MPPED2: variants seen among roughly 807,000 people sequenced by gnomAD.
MPPED2 encodes the protein metallophosphoesterase MPPED2.
Under a neutral mutation model 33.0 loss-of-function variants are expected in MPPED2, and 5 were observed. The ratio of observed to expected loss-of-function variants is 0.15; its 90% CI spans 0.08 to 0.32. MPPED2 has a LOEUF of 0.32. MPPED2 is among the 10% of genes least tolerant of loss of function. MPPED2 has a pLI of 1.00. For synonymous variants in MPPED2, 136 were observed against 141.9 expected (o/e 0.96, Z 0.29); for missense variants, 275 against 372.1 (o/e 0.74, Z 2.15).
intron 4 of MPPED2, among the ~76,000 whole-genome samples, chr11:30,454,326 CG>C (rs1279580757): frequency 6.6e-6 from 1 of 152,100 alleles, no homozygotes; most frequent in African/African-American, 2.4e-5. Context: ...CAACAATAGC[CG>C]GGCTACAGCC....
chr11:30,583,144 T>C (rs1310353724), intron 1 of MPPED2, among the ~76,000 whole-genome samples: 10 of 41,368 alleles, frequency 2.4e-4, no homozygotes, highest in South Asian at 7.5e-4. Context: ...CTTTTTTTTT[T>C]TTTTTTTTTT....
intron 4 of MPPED2, among the ~76,000 whole-genome samples, chr11:30,470,313 T>C (rs1232389316): frequency 6.6e-6 from 1 of 152,042 alleles, no homozygotes; most frequent in Non-Finnish European, 1.5e-5. Context: ...TAAAAGTTGA[T>C]TGAAGAATAT....
intron 4 of MPPED2, among the ~76,000 whole-genome samples, chr11:30,433,655 C>T (rs932550996): frequency 6.6e-6 from 1 of 152,132 alleles, no homozygotes; most frequent in Non-Finnish European, 1.5e-5. Flanking sequence ...ATTGGTCCCT[C>T]GCTATCATGT....
At chr11:30,394,518 A>T (rs897421745) in intron 6 of MPPED2, among the ~76,000 whole-genome samples, 5 of 152,146 alleles carry the variant, frequency 3.3e-5, no homozygotes, top group African/African-American at 1.2e-4. Flanking sequence ...TTTTCTTAGT[A>T]GCTAATAAGG....
intron 2 of MPPED2, among the ~76,000 whole-genome samples, chr11:30,545,524 T>G (rs758588571): frequency 2.6e-5 from 4 of 152,146 alleles, no homozygotes; most frequent in Non-Finnish European, 5.9e-5. Flanking sequence ...ACATCATTTT[T>G]TGGCTGAATA....
chr11:30,450,490 T>C (rs1355647430), intron 4 of MPPED2, among the ~76,000 whole-genome samples: 1 of 152,220 alleles, frequency 6.6e-6, no homozygotes, highest in Non-Finnish European at 1.5e-5. Flanking sequence ...GATGAAGATC[T>C]CAACTTGGAG....
At chr11:30,575,814 G>C (rs1956905736) in intron 2 of MPPED2, among the ~76,000 whole-genome samples, 1 of 152,132 alleles carries the variant, frequency 6.6e-6, no homozygotes, top group African/African-American at 2.4e-5. Context: ...GGAGGTGGAT[G>C]AGACACTCCT....
intron 2 of MPPED2, among the ~76,000 whole-genome samples, chr11:30,554,020 A>G (rs763772245): frequency 6.6e-6 from 1 of 152,150 alleles, no homozygotes; most frequent in Non-Finnish European, 1.5e-5. Context: ...AGAACTGAGA[A>G]CAAAAAGTAC....
chr11:30,505,915 G>C (rs1952803162), intron 3 of MPPED2, among the ~76,000 whole-genome samples: 1 of 151,922 alleles, frequency 6.6e-6, no homozygotes, highest in Non-Finnish European at 1.5e-5. Context: ...TACTCATCAG[G>C]AAAAAAGAAA....
At chr11:30,585,277 C>G (rs1957408202) in intron 1 of MPPED2, among the ~76,000 whole-genome samples, 1 of 152,250 alleles carries the variant, frequency 6.6e-6, no homozygotes, top group East Asian at 1.9e-4. Flanking sequence ...GCTTGGGTCG[C>G]CGGGTCGCTC....
At chr11:30,554,148 C>T (rs1401898168) in intron 2 of MPPED2, among the ~76,000 whole-genome samples, 1 of 152,152 alleles carries the variant, frequency 6.6e-6, no homozygotes, top group East Asian at 1.9e-4. Context: ...TGTCAATCCC[C>T]TACACAGAGC....
chr11:30,482,624 C>T (rs1051422766), intron 4 of MPPED2, among the ~76,000 whole-genome samples: 4 of 151,996 alleles, frequency 2.6e-5, no homozygotes, highest in Non-Finnish European at 5.9e-5. Flanking sequence ...TTTTTGGTCT[C>T]GTTCAGATTA....
chr11:30,490,909 C>T (rs1221377336), intron 4 of MPPED2, among the ~76,000 whole-genome samples: 2 of 152,096 alleles, frequency 1.3e-5, no homozygotes, highest in Non-Finnish European at 1.5e-5. Context: ...AGTCTGATGG[C>T]GATTACTTTT....
intron 3 of MPPED2, among the ~76,000 whole-genome samples, chr11:30,497,973 A>C (rs1039689310): frequency 6.6e-6 from 1 of 151,976 alleles, no homozygotes; most frequent in Non-Finnish European, 1.5e-5. Flanking sequence ...TGCTGAACTG[A>C]CCTTTCATCT....
At chr11:30,462,221 G>A (rs1374634894) in intron 4 of MPPED2, among the ~76,000 whole-genome samples, 2 of 152,178 alleles carry the variant, frequency 1.3e-5, no homozygotes, top group Non-Finnish European at 2.9e-5. Flanking sequence ...CCCATTACCA[G>A]GGAGTAATCA....
At chr11:30,480,885 T>G (rs1003834139) in intron 4 of MPPED2, among the ~76,000 whole-genome samples, 3 of 152,108 alleles carry the variant, frequency 2.0e-5, no homozygotes, top group Admixed American at 6.6e-5. Context: ...ATCACTCAGT[T>G]AGCCCACACT....
chr11:30,442,212 G>A lies in MPPED2; in HGVS notation c.537-24579C>T, dbSNP rs533495712. On this transcript the variant is annotated intron_variant, in intron 4 of 6. Transcript: ENST00000358117. ...GAAACTCCGGAAGGAGAAAAAGATA[G>A]AAGAGTGGTCTCCAGACTGAAATAC... Among the ~76,000 whole-genome samples the A allele has an allele frequency of 7.3e-4, 111 of 152,334 alleles. 1 individual carries two copies. In the Middle Eastern group the frequency reaches 0.01, roughly 14 times the overall value.
chr11:30,525,407 T>G (rs1292043436), intron 3 of MPPED2, among the ~76,000 whole-genome samples: 1 of 152,132 alleles, frequency 6.6e-6, no homozygotes, highest in Non-Finnish European at 1.5e-5. Flanking sequence ...AAGAGCCGCT[T>G]TTTTATTTTG....
At chr11:30,472,546 T>C (rs1347820358) in intron 4 of MPPED2, among the ~76,000 whole-genome samples, 1 of 152,160 alleles carries the variant, frequency 6.6e-6, no homozygotes. Context: ...ATAAACAGCA[T>C]GTGATGTATA....
Sources: allele counts gnomAD v4.1 joint callset (sites outside exome capture counted in the v4.1 genomes callset), GRCh38; gene constraint gnomAD v4.1.1; transcripts MANE v1.5; gene names NCBI Gene and HGNC (gene_info 2026-07-23, HGNC 2026-07-21).